ITGA8: variants seen among roughly 807,000 people sequenced by gnomAD.
ITGA8 encodes the protein integrin subunit alpha 8.
ITGA8 carries 91 observed loss-of-function variants against 142.3 expected under a neutral mutation model. That is an observed-to-expected ratio of 0.64 (90% CI 0.54 to 0.76). ITGA8 has a LOEUF of 0.76. Among genes scored for constraint, ITGA8 ranks in the 30% least tolerant of loss-of-function variants. The probability of loss-of-function intolerance (pLI) is 0.00; values close to 1 mark genes in which losing one functional copy is unlikely to be tolerated. For synonymous variants in ITGA8, 505 were observed against 485.2 expected, an observed-to-expected ratio of 1.04 and a Z score of -0.54; for missense variants, 1,406 against 1,327.7, an observed-to-expected ratio of 1.06 and a Z score of -0.92.
chr10:15,681,345 C>G (rs1834733482), intron 4 of ITGA8, among the ~76,000 whole-genome samples: 1 of 152,104 alleles, frequency 6.6e-6, no homozygotes, highest in African/African-American at 2.4e-5. Flanking sequence ...GAAGAAGTAC[C>G]CGTAGGAATA....
chr10:15,711,488 T>A (rs1271387766), intron 2 of ITGA8, among the ~76,000 whole-genome samples: 1 of 152,104 alleles, frequency 6.6e-6, no homozygotes, highest in Non-Finnish European at 1.5e-5. Context: ...CATCTTTTTG[T>A]TCATATTATT....
At chr10:15,552,277 C>T (rs938892398) in intron 26 of ITGA8, among the ~76,000 whole-genome samples, 3 of 152,130 alleles carry the variant, frequency 2.0e-5, no homozygotes, top group Non-Finnish European at 4.4e-5. Context: ...GCTGGGACTA[C>T]AGGCGTCCGC....
intron 27 of ITGA8, among the ~76,000 whole-genome samples, chr10:15,532,581 C>T (rs1429073550): frequency 6.6e-6 from 1 of 151,948 alleles, no homozygotes; most frequent in Non-Finnish European, 1.5e-5. Context: ...CTCATATTAA[C>T]TGTTGATAAA....
At chr10:15,593,992 C>T (rs1832970483) in intron 21 of ITGA8, among the ~76,000 whole-genome samples, 2 of 152,116 alleles carry the variant, frequency 1.3e-5, no homozygotes, top group Non-Finnish European at 2.9e-5. Context: ...CGGGTGTGTG[C>T]CACCACACCC....
At chr10:15,604,826 A>G (rs1368288535) in intron 19 of ITGA8, among the ~76,000 whole-genome samples, 1 of 152,130 alleles carries the variant, frequency 6.6e-6, no homozygotes, top group African/African-American at 2.4e-5. Flanking sequence ...AGTAAGAGGG[A>G]TAGATTAATG....
chr10:15,555,921 T>G (rs2131564865), intron 26 of ITGA8, among the ~76,000 whole-genome samples: 1 of 150,700 alleles, frequency 6.6e-6, no homozygotes, highest in South Asian at 2.1e-4. Context: ...ATGGTCTTGA[T>G]CTCCTGACCT....
chr10:15,572,776 A>G (rs781557315), intron 24 of ITGA8, among the ~76,000 whole-genome samples: 6 of 152,238 alleles, frequency 3.9e-5, no homozygotes, highest in South Asian at 4.1e-4. Flanking sequence ...CTGACTGTCA[A>G]TTGCAACCAT....
At chr10:15,527,770 C>A (rs1833203085) in intron 28 of ITGA8, among the ~76,000 whole-genome samples, 1 of 152,184 alleles carries the variant, frequency 6.6e-6, no homozygotes, top group East Asian at 1.9e-4. Context: ...TCTAGGAAAA[C>A]AAGCAAATAG....
intron 27 of ITGA8, among the ~76,000 whole-genome samples, chr10:15,537,109 C>A (rs2131548002): frequency 6.6e-6 from 1 of 152,312 alleles, no homozygotes; most frequent in South Asian, 2.1e-4. Context: ...TACATACAAT[C>A]TGTTTCTGAC....
At chr10:15,596,931 A>T (rs577727299) in intron 21 of ITGA8, 2 of 354,554 alleles carry the variant, frequency 5.6e-6, no homozygotes, top group African/African-American at 4.1e-5. Context: ...TATAGTAAAA[A>T]CAAAGTCTGT....
intron 28 of ITGA8, among the ~76,000 whole-genome samples, chr10:15,526,553 G>A (rs1236578906): frequency 2.6e-5 from 4 of 152,072 alleles, no homozygotes; most frequent in Admixed American, 6.6e-5. Context: ...GTTTACTTTC[G>A]GCACAGGGGC....
rs372686217 is a variant in ITGA8, at chr10:15,682,015, A to G, written c.568+1989T>C. 1.7e-3 allele frequency among the ~76,000 whole-genome samples: 262 copies of G among 152,316 alleles called. 1 individual carries two copies. The highest frequency in any genetic ancestry group is 6.0e-3 in the African/African-American group (249 of 41,568). On this transcript the variant is annotated intron_variant, in intron 4 of 29. Coordinates refer to ENST00000378076, the MANE Select transcript of ITGA8 (RefSeq NM_003638.3). ...CAGCACTTTGAATGGAACATGACAC[A>G]AACTATGCCTCATGTTGGTTGTTGC...
At chr10:15,636,726 T>C (rs192902924) in intron 13 of ITGA8, among the ~76,000 whole-genome samples, 12 of 152,302 alleles carry the variant, frequency 7.9e-5, no homozygotes, top group African/African-American at 2.6e-4. Flanking sequence ...TTCCTTCCTT[T>C]CAATTTCCAC....
At chr10:15,589,469 G>C (rs909610214) in intron 22 of ITGA8, among the ~76,000 whole-genome samples, 2 of 152,096 alleles carry the variant, frequency 1.3e-5, no homozygotes, top group African/African-American at 4.8e-5. Context: ...TTTGGTAACA[G>C]GAAATATTTT....
At chr10:15,617,468 G>A (rs573680315) in intron 13 of ITGA8, among the ~76,000 whole-genome samples, 73 of 151,302 alleles carry the variant, frequency 4.8e-4, no homozygotes, top group African/African-American at 1.7e-3. Context: ...GTGCAATCTC[G>A]GCTCACTGAA....
chr10:15,551,745 G>A (rs1229761292), intron 26 of ITGA8, among the ~76,000 whole-genome samples: 2 of 152,164 alleles, frequency 1.3e-5, no homozygotes, highest in African/African-American at 2.4e-5. Context: ...AACAAAAAAC[G>A]TAGGAGGTCT....
At chr10:15,604,170 T>C in intron 20 of ITGA8, 38 bp downstream of exon 20, 2 of 1,578,316 alleles carry the variant, frequency 1.3e-6, no homozygotes, top group South Asian at 2.3e-5. Flanking sequence ...TTCAAAAATA[T>C]ACCTAGCTCT....
At chr10:15,565,790 A>G (rs944377717) in intron 25 of ITGA8, among the ~76,000 whole-genome samples, 2 of 151,590 alleles carry the variant, frequency 1.3e-5, no homozygotes, top group Non-Finnish European at 2.9e-5. Flanking sequence ...GGGTTTTGCC[A>G]TGGTTGCCAG....
chr10:15,685,112 AAG>A (rs1319708402), intron 3 of ITGA8, among the ~76,000 whole-genome samples: 1 of 152,240 alleles, frequency 6.6e-6, no homozygotes, highest in Non-Finnish European at 1.5e-5. Flanking sequence ...CAAAGTCAGT[AAG>A]AGAGCATGTT....
Sources: allele counts gnomAD v4.1 joint callset (sites outside exome capture counted in the v4.1 genomes callset), GRCh38; gene constraint gnomAD v4.1.1; transcripts MANE v1.5; gene names NCBI Gene and HGNC (gene_info 2026-07-23, HGNC 2026-07-21).